KLHL22: variants seen among roughly 807,000 people sequenced by gnomAD.
The protein encoded by KLHL22 is kelch like family member 22, also known as kelch-like protein 22.
KLHL22 carries 18 observed loss-of-function variants against 60.7 expected under a neutral mutation model. The ratio of observed to expected loss-of-function variants is 0.30; its 90% CI spans 0.20 to 0.44. KLHL22 has a LOEUF of 0.44. KLHL22 is among the 20% of genes least tolerant of loss of function. The probability of loss-of-function intolerance (pLI) is 1.00; values close to 1 mark genes in which losing one functional copy is unlikely to be tolerated. For synonymous variants in KLHL22, 355 were observed against 354.5 expected, an observed-to-expected ratio of 1.00 and a Z score of -0.01; for missense variants, 596 against 852.3, an observed-to-expected ratio of 0.70 and a Z score of 3.74.
At chr22:20,487,219 C>T (rs916521216) in intron 2 of KLHL22, among the ~76,000 whole-genome samples, 7 of 151,704 alleles carry the variant, frequency 4.6e-5, no homozygotes, top group African/African-American at 1.5e-4. Flanking sequence ...TACATCCAGC[C>T]TCTTTTTTGT....
intron 2 of KLHL22, chr22:20,483,507 C>T: frequency 2.7e-6 from 2 of 732,208 alleles, no homozygotes; most frequent in Non-Finnish European, 5.1e-6. Context: ...CGATCTCTGT[C>T]TCCAGCTACA....
Position 20,465,137 on chromosome 22 carries a change from CG to C in KLHL22, c.832del (p.Arg278GlyfsTer44). 1 of 1,613,876 alleles carries C rather than the reference CG, an allele frequency of 6.2e-7. No individual in the cohort carries two copies. The highest frequency in any genetic ancestry group is 8.5e-7 in the Non-Finnish European group (1 of 1,180,010). On this transcript the variant is annotated frameshift_variant, in exon 4 of 7. Transcript: ENST00000328879. LOFTEE classifies it high-confidence loss of function. This position sits in a 1 kb window ranked among gnomAD's most constrained non-coding sequence, Gnocchi z 4.9. ...CAGGCTGGGCTGTAGGCTCTCGTTC[CG>C]GTGGTACATGAGGGCGCTGGCCACT... ...DTVASALMYH[R>X]NESLQPSLQS...
At chr22:20,476,925 T>G (rs1199042043) in intron 2 of KLHL22, among the ~76,000 whole-genome samples, 1 of 149,358 alleles carries the variant, frequency 6.7e-6, no homozygotes, top group Non-Finnish European at 1.5e-5. Flanking sequence ...CAGACTGGTC[T>G]CGAACTCCTG....
chr22:20,494,409 T>G (rs1320572919), intron 1 of KLHL22, among the ~76,000 whole-genome samples: 1 of 151,734 alleles, frequency 6.6e-6, no homozygotes, highest in Non-Finnish European at 1.5e-5. Context: ...GAGAAGAGGT[T>G]TCACTATATG....
intron 2 of KLHL22, among the ~76,000 whole-genome samples, chr22:20,476,858 G>A (rs1601372237): frequency 6.6e-6 from 1 of 151,068 alleles, no homozygotes; most frequent in Admixed American, 6.6e-5. Flanking sequence ...ATAGGCATGT[G>A]CCACCACGCC....
rs553390186 is a variant in KLHL22, at chr22:20,492,650, T to C, written c.-34+3110A>G. ...TGTCACCCAGGCTAGAGTGCAGTGG[T>C]GTGATCTTGGCTCACTGCAACCTCT... On this transcript the variant is annotated intron_variant, in intron 1 of 6. Transcript: ENST00000328879. 8.6e-5 allele frequency among the ~76,000 whole-genome samples: 13 copies of C among 151,720 alleles called. No individual in the cohort carries two copies. In the East Asian group the frequency reaches 2.5e-3, roughly 29 times the overall value.
At chr22:20,455,704 G>A (rs541589929) in intron 5 of KLHL22, among the ~76,000 whole-genome samples, 5 of 152,266 alleles carry the variant, frequency 3.3e-5, no homozygotes, top group East Asian at 1.9e-4. Flanking sequence ...TGCTTGCTTC[G>A]AAAGTAACCT....
At chr22:20,490,852 C>T (rs958652499) in intron 1 of KLHL22, among the ~76,000 whole-genome samples, 1 of 152,128 alleles carries the variant, frequency 6.6e-6, no homozygotes, top group African/African-American at 2.4e-5. Flanking sequence ...CCTGTTGTGC[C>T]ACCTGGTTCC....
At chr22:20,451,252 G>T (rs2052973004) in intron 5 of KLHL22, 2 of 1,604,364 alleles carry the variant, frequency 1.2e-6, no homozygotes, top group East Asian at 2.2e-5. Flanking sequence ...CACCCTGGGA[G>T]ATTTGATCTA....
chr22:20,479,026 G>C (rs1010128562), intron 2 of KLHL22, among the ~76,000 whole-genome samples: 1 of 151,654 alleles, frequency 6.6e-6, no homozygotes, highest in Non-Finnish European at 1.5e-5. Context: ...CTACTTGGGA[G>C]GCTGAGGAAC....
chr22:20,473,241 A>T (rs73384274), intron 2 of KLHL22, among the ~76,000 whole-genome samples: 5,421 of 152,250 alleles, frequency 0.036, 318 homozygotes, highest in African/African-American at 0.12. Context: ...GCTAGAAAGC[A>T]GTAGCTGAGA....
At position 20,441,690 on chromosome 22, in the gene KLHL22, C is replaced by T. The variant is rs550331955; in HGVS notation, c.*383G>A. The T allele has an allele frequency of 7.6e-4, 156 of 205,422 alleles. No individual in the cohort carries two copies. The highest frequency in any genetic ancestry group is 3.4e-3 in the African/African-American group (146 of 43,188). 12.7% of individuals were successfully genotyped at this position (205,422 alleles called of 1,614,324 possible). The stretch of plus-strand genomic sequence containing the variant: ...CCTCCAACCCCAGCTGCCCCCACAG[C>T]CCCACCCCATTCACAGAAAGAGGGC... On this transcript the variant is annotated 3_prime_UTR_variant, in exon 7 of 7. Coordinates refer to ENST00000328879, the MANE Select transcript of KLHL22 (RefSeq NM_032775.4).
In KLHL22 at chr22:20,450,077, T is replaced by G. The variant is rs1376936891; in HGVS notation, c.1306-3401A>C. ...GGCTGTGTGGGATCAGAAGCAGAGT[T>G]GCAGAATCCAAGGACCTATTTTTGT... On this transcript the variant is annotated intron_variant, in intron 5 of 6. Coordinates refer to ENST00000328879, the MANE Select transcript of KLHL22 (RefSeq NM_032775.4). 8.1e-6 allele frequency: 6 copies of G among 736,720 alleles called. No individual in the cohort carries two copies. The Admixed American group carries it at 9.1e-5, about 11-fold the overall frequency. The allele number at this position is 736,720 out of a possible 1,614,324, so 45.6% of individuals were successfully genotyped here.
chr22:20,442,704 C>A (rs1423571602), intron 6 of KLHL22, among the ~76,000 whole-genome samples: 2 of 152,228 alleles, frequency 1.3e-5, no homozygotes, highest in Non-Finnish European at 2.9e-5. Flanking sequence ...TTGCTCCAGC[C>A]CAGCCCTTCC....
intron 2 of KLHL22, among the ~76,000 whole-genome samples, chr22:20,477,846 A>G (rs1199648376): frequency 6.6e-6 from 1 of 152,192 alleles, no homozygotes; most frequent in Non-Finnish European, 1.5e-5. Context: ...CAGCCTCCCA[A>G]ATAGCTGGGA....
chr22:20,450,245 A>C, intron 5 of KLHL22: 1 of 880,992 alleles, frequency 1.1e-6, no homozygotes. Context: ...TAGAGCAGAA[A>C]GACTTTCCTG....
At chr22:20,483,303 G>A (rs1414694852) in intron 2 of KLHL22, 1 of 712,910 alleles carries the variant, frequency 1.4e-6, no homozygotes, top group African/African-American at 1.7e-5. Context: ...ACCAGTACTT[G>A]TCCAGCTCCT....
At chr22:20,470,058 G>T (rs2053289565) in intron 3 of KLHL22, among the ~76,000 whole-genome samples, 1 of 152,084 alleles carries the variant, frequency 6.6e-6, no homozygotes, top group Non-Finnish European at 1.5e-5. Flanking sequence ...TCAATAACAG[G>T]TTGGGTACAG....
chr22:20,485,540 G>A (rs1028506740), intron 2 of KLHL22, among the ~76,000 whole-genome samples: 11 of 152,152 alleles, frequency 7.2e-5, no homozygotes, highest in African/African-American at 2.7e-4. Context: ...CATCTCAGGT[G>A]GGCCAAAGAA....
Sources: gnomAD v4.1 joint callset for allele counts (sites outside exome capture counted in the v4.1 genomes callset) on GRCh38, gnomAD v4.1.1 for gene constraint, Gnocchi (gnomAD v3.1) non-coding constraint, MANE v1.5 for transcripts, NCBI Gene and HGNC (gene_info 2026-07-23, HGNC 2026-07-21) for gene names.